The following EVI5 variants were observed in gnomAD, a reference collection of about 807,000 sequenced individuals.
EVI5 encodes ecotropic viral integration site 5.
EVI5 carries 73 observed loss-of-function variants against 112.0 expected under a neutral mutation model. That is an observed-to-expected ratio of 0.65 (90% CI 0.54 to 0.79). The LOEUF is 0.79. Ranked by LOEUF, EVI5 falls within the 30% of genes least tolerant of loss-of-function variation. The probability of loss-of-function intolerance (pLI) is 0.00; values close to 1 mark genes in which losing one functional copy is unlikely to be tolerated. For missense variants in EVI5, 900 were observed against 968.8 expected, an observed-to-expected ratio of 0.93 and a Z score of 0.94; for synonymous variants, 305 against 319.9, an observed-to-expected ratio of 0.95 and a Z score of 0.50.
rs543444756 is a variant in EVI5 at position 92,636,058 on chromosome 1, T to G, written c.1527+144A>C. ...AATAACTGGCAATTTTAAAAATCTT[T>G]TTTTCCTTTTCCTCTTAGTAACTAA... is the stretch of plus-strand genomic sequence containing the variant. On this transcript the variant is annotated intron_variant, in intron 14 of 19. Transcript: ENST00000684568. 3.1e-5 allele frequency: 20 copies of G among 636,458 alleles called. No individual in the cohort carries two copies. In the Admixed American group the frequency reaches 5.9e-4, roughly 19 times the overall value. 39.4% of individuals were successfully genotyped at this position (636,458 alleles called of 1,614,324 possible).
chr1:92,565,870 T>C (rs982683679), intron 18 of EVI5, among the ~76,000 whole-genome samples: 4 of 138,712 alleles, frequency 2.9e-5, no homozygotes, highest in Non-Finnish European at 6.0e-5. Context: ...CTCAGGAGGC[T>C]GAGGCAGGAG....
chr1:92,712,692 A>T (rs943787942), intron 2 of EVI5, among the ~76,000 whole-genome samples: 7 of 152,188 alleles, frequency 4.6e-5, no homozygotes, highest in African/African-American at 1.2e-4. Context: ...AAATACAAGA[A>T]TTTTTAAATA....
At chr1:92,599,767 G>A (rs1255943029) in intron 18 of EVI5, among the ~76,000 whole-genome samples, 1 of 152,184 alleles carries the variant, frequency 6.6e-6, no homozygotes, top group Non-Finnish European at 1.5e-5. Context: ...GAATGTGATA[G>A]GTGCAGGAAT....
intron 19 of EVI5, among the ~76,000 whole-genome samples, chr1:92,550,790 A>G (rs1454312776): frequency 1.1e-5 from 1 of 89,318 alleles, no homozygotes; most frequent in Non-Finnish European, 2.1e-5. Flanking sequence ...AAATATATAT[A>G]TATATATATA....
intron 19 of EVI5, among the ~76,000 whole-genome samples, chr1:92,563,003 T>C (rs1361735417): frequency 1.3e-5 from 2 of 152,072 alleles, no homozygotes; most frequent in Non-Finnish European, 2.9e-5. Flanking sequence ...AAACAGAAAA[T>C]AATAAAGGAT....
At chr1:92,792,268 A>G in intron 1 of EVI5, 1 of 949,088 alleles carries the variant, frequency 1.1e-6, no homozygotes, top group Non-Finnish European at 1.7e-6. Context: ...TAACTCAATA[A>G]CAAATTACTT....
intron 18 of EVI5, among the ~76,000 whole-genome samples, chr1:92,574,995 AT>A (rs1159292063): frequency 6.6e-6 from 1 of 152,306 alleles, no homozygotes; most frequent in East Asian, 1.9e-4. Flanking sequence ...TTTTTTGAGC[AT>A]TTAATCAGTT....
chr1:92,759,441 C>A (rs1013526120), intron 1 of EVI5, among the ~76,000 whole-genome samples: 1 of 152,140 alleles, frequency 6.6e-6, no homozygotes, highest in Non-Finnish European at 1.5e-5. Context: ...AAGTCCTTAA[C>A]GGTTTCAAAC....
intron 2 of EVI5, among the ~76,000 whole-genome samples, chr1:92,735,629 T>C (rs1414673450): frequency 2.5e-5 from 2 of 79,224 alleles, no homozygotes; most frequent in African/African-American, 9.5e-5. Context: ...ATATGATATA[T>C]GATATATGTC....
intron 13 of EVI5, among the ~76,000 whole-genome samples, chr1:92,660,467 T>C (rs1467927542): frequency 6.6e-6 from 1 of 151,884 alleles, no homozygotes; most frequent in African/African-American, 2.4e-5. Context: ...TCAACAGGTA[T>C]GAGTTACAGT....
Position 92,719,162 on chromosome 1 carries a change from A to G in EVI5, c.150-14418T>C, listed in dbSNP as rs181372606. Among the ~76,000 whole-genome samples, 279 of 152,278 alleles carry G rather than the reference A, an allele frequency of 1.8e-3. 4 individuals are homozygous for G. The highest frequency in any genetic ancestry group is 6.4e-3 in the African/African-American group (267 of 41,506). ...TTCTTCTGAAAATATTCCAATCAAT[A>G]GAAAAAGAGGGAATCCTCCCTAACT... On this transcript the variant is annotated intron_variant, in intron 2 of 19. Coordinates refer to ENST00000684568, the MANE Select transcript of EVI5 (RefSeq NM_001350197.2).
chr1:92,683,319 G>C (rs750756268), intron 9 of EVI5, among the ~76,000 whole-genome samples: 5 of 152,094 alleles, frequency 3.3e-5, no homozygotes, highest in Non-Finnish European at 5.9e-5. Flanking sequence ...TGCAGCTGAG[G>C]GTTCTGACTG....
chr1:92,785,766 C>G (rs912868942), upstream of EVI5, among the ~76,000 whole-genome samples: 1 of 152,282 alleles, frequency 6.6e-6, no homozygotes, highest in Non-Finnish European at 1.5e-5. Flanking sequence ...AAAGGCAATA[C>G]AGATTACTTT....
rs920488395 is a variant in EVI5, at chr1:92,677,145, C to T, written c.1158+13G>A. On this transcript the variant is annotated intron_variant, in intron 10 of 19. Coordinates refer to ENST00000684568, the MANE Select transcript of EVI5 (RefSeq NM_001350197.2). The stretch of plus-strand genomic sequence containing the variant: ...CAATCAATCAGTACTTTAAAAAGCC[C>T]CCAACTGCTTACTTTAATTTCAACT... 4 of 1,549,816 alleles carry T rather than the reference C, an allele frequency of 2.6e-6. No individual in the cohort carries two copies. The highest frequency in any genetic ancestry group is 1.8e-6 in the Non-Finnish European group (2 of 1,129,654).
At chr1:92,662,242 C>A (rs915857457) in intron 13 of EVI5, among the ~76,000 whole-genome samples, 1 of 152,102 alleles carries the variant, frequency 6.6e-6, no homozygotes, top group African/African-American at 2.4e-5. Flanking sequence ...GAAGTCTAAG[C>A]AATAGTATTT....
intron 10 of EVI5, among the ~76,000 whole-genome samples, chr1:92,672,932 C>T (rs904615884): frequency 6.6e-6 from 1 of 152,158 alleles, no homozygotes; most frequent in Non-Finnish European, 1.5e-5. Context: ...TAGAATAACA[C>T]AAATCAGACT....
chr1:92,531,701 G>A (rs185398440), intron 19 of EVI5, among the ~76,000 whole-genome samples: 173 of 152,224 alleles, frequency 1.1e-3, no homozygotes, highest in African/African-American at 4.0e-3. Flanking sequence ...CTTCACAAGC[G>A]AAGGAAAAAT....
chr1:92,774,172 A>C (rs1570909208), intron 1 of EVI5: 2 of 152,312 alleles, frequency 1.3e-5, no homozygotes, highest in East Asian at 1.9e-4. Flanking sequence ...ATTATTCATG[A>C]CTTATCCCCA....
intron 14 of EVI5, among the ~76,000 whole-genome samples, chr1:92,627,225 C>A (rs7538520): frequency 0.92 from 140,261 of 152,218 alleles, 64,708 homozygotes; most frequent in East Asian, 0.97. Flanking sequence ...TTGCATCCTC[C>A]TAGCTTAGCT....
Sources: gnomAD v4.1 joint callset for allele counts (sites outside exome capture counted in the v4.1 genomes callset) on GRCh38, gnomAD v4.1.1 for gene constraint, MANE v1.5 for transcripts, NCBI Gene and HGNC (gene_info 2026-07-23, HGNC 2026-07-21) for gene names.